AR: variants seen among roughly 807,000 people sequenced by gnomAD.
AR encodes dihydrotestosterone receptor.
Under a neutral mutation model 53.9 loss-of-function variants are expected in AR, and 8 were observed. The observed-to-expected ratio is 0.15, with a 90% CI of 0.09 to 0.27. The LOEUF (loss-of-function observed/expected upper bound fraction) is 0.27. Among genes scored for constraint, AR ranks in the 10% least tolerant of loss-of-function variants. AR has a pLI of 1.00. For synonymous variants in AR, 359 were observed against 316.4 expected (o/e 1.13, Z -1.43); for missense variants, 639 against 742.5 (o/e 0.86, Z 1.62).
At chrX:67,710,607 A>G (rs1317240788) in intron 3 of AR, among the ~76,000 whole-genome samples, 1 of 111,935 alleles carries the variant, frequency 8.9e-6, no homozygotes, top group African/African-American at 3.3e-5. Context: ...TGCTGGGATT[A>G]CAGGCATGAA....
intron 1 of AR, among the ~76,000 whole-genome samples, chrX:67,631,325 G>A (rs1356356280): frequency 1.8e-5 from 2 of 111,322 alleles, no homozygotes; most frequent in Non-Finnish European, 3.8e-5. Context: ...ATTTCTTGGA[G>A]GCTTTGCTCG....
intron 1 of AR, among the ~76,000 whole-genome samples, chrX:67,625,152 A>C (rs1924568069): frequency 9.0e-6 from 1 of 111,081 alleles, no homozygotes; most frequent in South Asian, 3.7e-4. Flanking sequence ...GAGATTAAGA[A>C]AACAGTTCAC....
chrX:67,622,897 A>G (rs1352047559), intron 1 of AR, among the ~76,000 whole-genome samples: 1 of 111,357 alleles, frequency 9.0e-6, no homozygotes, highest in African/African-American at 3.3e-5. Context: ...TTAGCCTCAA[A>G]CAGGCCATGA....
chrX:67,699,561 C>T (rs1429326614), intron 3 of AR, among the ~76,000 whole-genome samples: 1 of 111,588 alleles, frequency 9.0e-6, no homozygotes, highest in African/African-American at 3.3e-5. Context: ...CAAGAATAGC[C>T]ACCCTTCAAA....
intron 1 of AR, among the ~76,000 whole-genome samples, chrX:67,633,390 T>A: frequency 8.9e-6 from 1 of 111,952 alleles, no homozygotes; most frequent in East Asian, 2.8e-4. Context: ...ATGTGGTATT[T>A]GGTTTTCTGT....
chrX:67,706,675 C>T (rs1199845418), intron 3 of AR, among the ~76,000 whole-genome samples: 1 of 111,343 alleles, frequency 9.0e-6, no homozygotes, highest in Non-Finnish European at 1.9e-5. Flanking sequence ...TTGGTTATTT[C>T]TTGCCTTCTG....
chrX:67,572,652 C>G (rs994568345), intron 1 of AR, among the ~76,000 whole-genome samples: 1 of 111,011 alleles, frequency 9.0e-6, no homozygotes, highest in African/African-American at 3.3e-5. Context: ...TATGAACTAT[C>G]AATTCCGTTT....
chrX:67,589,624 T>C (rs1171287840), intron 1 of AR, among the ~76,000 whole-genome samples: 1 of 111,968 alleles, frequency 8.9e-6, no homozygotes, highest in Non-Finnish European at 1.9e-5. Flanking sequence ...GTAAACCTGA[T>C]TGAGCTTTCC....
rs1364878170 is a variant in AR, at chrX:67,730,315, C to G, written c.*6474C>G. 4.0e-5 allele frequency: 7 copies of G among 173,822 alleles called. No homozygotes were observed. The highest frequency in any genetic ancestry group is 7.7e-5 in the Non-Finnish European group (7 of 91,263). 14.3% of individuals were successfully genotyped at this position (173,822 alleles called of 1,213,427 possible). On this transcript the variant is annotated 3_prime_UTR_variant, in exon 8 of 8. Transcript: ENST00000374690. The stretch of plus-strand genomic sequence containing the variant: ...ACTGGGCAGCAGGACCAGCTCCAAG[C>G]GCTAGTGTTCTGTTCTCTTTTTGTA...
intron 2 of AR, among the ~76,000 whole-genome samples, chrX:67,684,101 A>T (rs963518341): frequency 9.0e-6 from 1 of 111,562 alleles, no homozygotes; most frequent in African/African-American, 3.3e-5. Context: ...CAATGTAACA[A>T]GCTGGTCTTG....
chrX:67,711,021 G>T (rs758377699), intron 3 of AR, among the ~76,000 whole-genome samples: 14 of 112,137 alleles, frequency 1.2e-4, no homozygotes, highest in Non-Finnish European at 1.9e-4. Flanking sequence ...AGAAGCAAAG[G>T]TCTAACAATG....
chrX:67,624,152 T>G (rs1481476766), intron 1 of AR, among the ~76,000 whole-genome samples: 3 of 111,443 alleles, frequency 2.7e-5, no homozygotes, highest in Non-Finnish European at 5.7e-5. Flanking sequence ...CATGATCCAA[T>G]TACTTCCTAC....
intron 1 of AR, among the ~76,000 whole-genome samples, chrX:67,631,863 G>A (rs1280158060): frequency 8.9e-6 from 1 of 112,254 alleles, no homozygotes; most frequent in Non-Finnish European, 1.9e-5. Context: ...TAAGAGACAG[G>A]ACCCTCAGCT....
intron 1 of AR, among the ~76,000 whole-genome samples, chrX:67,579,896 A>G (rs1842424513): frequency 9.0e-6 from 1 of 111,522 alleles, no homozygotes; most frequent in Non-Finnish European, 1.9e-5. Flanking sequence ...GCACAACAAA[A>G]TGGCAGCACC....
intron 2 of AR, among the ~76,000 whole-genome samples, chrX:67,652,089 G>A (rs189302345): frequency 2.7e-3 from 298 of 111,858 alleles, no homozygotes; most frequent in Non-Finnish European, 4.7e-3. Context: ...ATGGGGCCAC[G>A]AGCAAGAGAA....
intron 1 of AR, among the ~76,000 whole-genome samples, chrX:67,574,081 G>A (rs1042266072): frequency 9.0e-6 from 1 of 111,668 alleles, no homozygotes; most frequent in African/African-American, 3.3e-5. Flanking sequence ...ACGGAAAATA[G>A]GAGTTGATAA....
chrX:67,611,348 AT>A (rs1299531413), intron 1 of AR, among the ~76,000 whole-genome samples: 1 of 111,039 alleles, frequency 9.0e-6, no homozygotes, highest in Non-Finnish European at 1.9e-5. Flanking sequence ...TTTTTTGGCC[AT>A]TTATGTTTCT....
chrX:67,599,060 C>A (rs766338563), intron 1 of AR, among the ~76,000 whole-genome samples: 29 of 111,117 alleles, frequency 2.6e-4, no homozygotes, highest in Admixed American at 3.8e-4. Flanking sequence ...AAGAGGGTAC[C>A]CAAATAAACC....
chrX:67,554,913 G>A (rs1930129035), intron 1 of AR, among the ~76,000 whole-genome samples: 1 of 95,121 alleles, frequency 1.1e-5, no homozygotes, highest in African/African-American at 3.9e-5. Flanking sequence ...TCCAGGCTCC[G>A]TCAAAAAAAA....
Sources: allele counts gnomAD v4.1 joint callset (sites outside exome capture counted in the v4.1 genomes callset), GRCh38; gene constraint gnomAD v4.1.1; transcripts MANE v1.5; gene names NCBI Gene and HGNC (gene_info 2026-07-23, HGNC 2026-07-21).